The following SLC39A11 variants were observed in gnomAD, a reference collection of about 807,000 sequenced individuals.
SLC39A11 encodes the protein solute carrier family 39 member 11.
SLC39A11 carries 33 observed loss-of-function variants against 36.1 expected under a neutral mutation model. The observed-to-expected ratio is 0.91, with a 90% CI of 0.69 to 1.22. SLC39A11 has a LOEUF of 1.22. SLC39A11 is among the 50% of genes most tolerant of loss of function. The pLI, the probability that SLC39A11 is intolerant of heterozygous loss-of-function variation, is 0.00. For synonymous variants in SLC39A11, 166 were observed against 170.3 expected, an observed-to-expected ratio of 0.97 and a Z score of 0.20; for missense variants, 432 against 430.3, an observed-to-expected ratio of 1.00 and a Z score of -0.03.
intron 6 of SLC39A11, among the ~76,000 whole-genome samples, chr17:72,738,099 G>A (rs2074511005): frequency 6.6e-6 from 1 of 152,132 alleles, no homozygotes; most frequent in Admixed American, 6.5e-5. Context: ...CCGCCTCCCG[G>A]GTTCACGCCA....
intron 3 of SLC39A11, among the ~76,000 whole-genome samples, chr17:73,044,396 T>C (rs1335878812): frequency 6.6e-6 from 1 of 152,210 alleles, no homozygotes; most frequent in Non-Finnish European, 1.5e-5. Context: ...ATGCCGACAT[T>C]GGATGAATCT....
chr17:72,906,338 T>C (rs2082655941), intron 5 of SLC39A11, among the ~76,000 whole-genome samples: 1 of 152,210 alleles, frequency 6.6e-6, no homozygotes. Context: ...GAGTCTAAAA[T>C]AGTCAGGATT....
intron 4 of SLC39A11, among the ~76,000 whole-genome samples, chr17:72,955,098 C>T (rs1471415804): frequency 1.3e-5 from 2 of 152,092 alleles, no homozygotes; most frequent in South Asian, 4.1e-4. Flanking sequence ...AGTAATAATG[C>T]TATATCCAAT....
intron 3 of SLC39A11, among the ~76,000 whole-genome samples, chr17:73,038,303 T>C (rs1279341758): frequency 6.6e-6 from 1 of 152,066 alleles, no homozygotes; most frequent in African/African-American, 2.4e-5. Flanking sequence ...GAGAATGGAT[T>C]GAAAGTCTAA....
intron 5 of SLC39A11, among the ~76,000 whole-genome samples, chr17:72,851,334 G>A (rs888405992): frequency 1.3e-5 from 2 of 152,188 alleles, no homozygotes; most frequent in Admixed American, 6.5e-5. Context: ...GGGAGGACAA[G>A]AGTGGGAGAG....
intron 5 of SLC39A11, among the ~76,000 whole-genome samples, chr17:72,904,380 C>T (rs2082544486): frequency 6.6e-6 from 1 of 152,204 alleles, no homozygotes; most frequent in African/African-American, 2.4e-5. Flanking sequence ...CGTTCAGTCT[C>T]CACTGAATTT....
intron 4 of SLC39A11, among the ~76,000 whole-genome samples, chr17:72,976,937 G>T (rs1176967546): frequency 1.3e-5 from 2 of 152,160 alleles, no homozygotes; most frequent in Admixed American, 1.3e-4. Context: ...GGACAGGAGT[G>T]GTGGGAATTT....
intron 2 of SLC39A11, among the ~76,000 whole-genome samples, chr17:73,088,382 T>TTC (rs2060810087): frequency 6.6e-6 from 1 of 152,080 alleles, no homozygotes; most frequent in Non-Finnish European, 1.5e-5. Context: ...ATAACTGGGC[T>TTC]TCTCACTTCC....
intron 7 of SLC39A11, among the ~76,000 whole-genome samples, chr17:72,716,968 C>CA (rs761854832): frequency 0.029 from 2,618 of 90,100 alleles, 76 homozygotes; most frequent in African/African-American, 0.1. Context: ...GACCCTGTCT[C>CA]AAAAAAAAAA....
chr17:72,962,224 C>G (rs535901794), intron 4 of SLC39A11, among the ~76,000 whole-genome samples: 1 of 152,174 alleles, frequency 6.6e-6, no homozygotes, highest in African/African-American at 2.4e-5. Flanking sequence ...AAGATTGTCA[C>G]TGCTGCATGA....
At chr17:72,650,800 G>A (rs1416576088) in intron 7 of SLC39A11, among the ~76,000 whole-genome samples, 4 of 152,166 alleles carry the variant, frequency 2.6e-5, no homozygotes, top group Non-Finnish European at 4.4e-5. Context: ...GCAAGGGAGT[G>A]TTGTAGACTG....
intron 4 of SLC39A11, among the ~76,000 whole-genome samples, chr17:72,976,545 G>A (rs2087861670): frequency 6.6e-6 from 1 of 152,160 alleles, no homozygotes. Context: ...CTCATTTGCA[G>A]AAAGGCACAG....
At chr17:72,735,231 C>CT (rs2074376856) in intron 7 of SLC39A11, among the ~76,000 whole-genome samples, 1 of 152,166 alleles carries the variant, frequency 6.6e-6, no homozygotes, top group Admixed American at 6.5e-5. Context: ...AGGCACGCTT[C>CT]TTAACGTACA....
intron 5 of SLC39A11, among the ~76,000 whole-genome samples, chr17:72,858,518 A>G (rs80268970): frequency 6.6e-6 from 1 of 152,216 alleles, no homozygotes; most frequent in Non-Finnish European, 1.5e-5. Context: ...GAAGAATGTC[A>G]TTGGTAGTTT....
intron 5 of SLC39A11, among the ~76,000 whole-genome samples, chr17:72,935,657 G>A (rs11077647): frequency 0.55 from 83,913 of 152,102 alleles, 24,875 homozygotes; most frequent in African/African-American, 0.78. Context: ...GCTCACTGCT[G>A]CCTCTACCTC....
chr17:72,801,315 G>A (rs1166218452), intron 6 of SLC39A11, among the ~76,000 whole-genome samples: 1 of 151,934 alleles, frequency 6.6e-6, no homozygotes, highest in Non-Finnish European at 1.5e-5. Context: ...CTGCCTCCTG[G>A]GTTCAAGCAA....
intron 3 of SLC39A11, among the ~76,000 whole-genome samples, chr17:73,032,896 G>A (rs567848356): frequency 1.3e-5 from 2 of 152,258 alleles, no homozygotes; most frequent in South Asian, 2.1e-4. Context: ...TTTCTATTGC[G>A]ATTTGTAGAT....
At chr17:72,914,315 C>T (rs929102250) in intron 5 of SLC39A11, among the ~76,000 whole-genome samples, 33 of 143,558 alleles carry the variant, frequency 2.3e-4, no homozygotes, top group African/African-American at 8.2e-4. Context: ...GACTCCATCT[C>T]GGGGGAAAAA....
At chr17:73,075,077 G>A (rs2060277363) in intron 3 of SLC39A11, among the ~76,000 whole-genome samples, 1 of 152,192 alleles carries the variant, frequency 6.6e-6, no homozygotes. Context: ...TCATCCAGAT[G>A]TCTTTTGGGA....
Sources: allele counts gnomAD v4.1 joint callset (sites outside exome capture counted in the v4.1 genomes callset), GRCh38; gene constraint gnomAD v4.1.1; transcripts MANE v1.5; gene names NCBI Gene and HGNC (gene_info 2026-07-23, HGNC 2026-07-21).